Variants in LIG1 observed in about 807,000 individuals in gnomAD.
LIG1 encodes the protein DNA ligase 1, also known as ligase I, DNA, ATP-dependent.
LIG1 carries 70 observed loss-of-function variants against 115.7 expected under a neutral mutation model. The ratio of observed to expected loss-of-function variants is 0.60; its 90% CI spans 0.50 to 0.74. LIG1 has a LOEUF of 0.74. Ranked by LOEUF, LIG1 falls within the 30% of genes least tolerant of loss-of-function variation. The probability of loss-of-function intolerance (pLI) is 0.00; values close to 1 mark genes in which losing one functional copy is unlikely to be tolerated. For synonymous variants in LIG1, 487 were observed against 495.3 expected (o/e 0.98, Z 0.22); for missense variants, 1,115 against 1,225.6 (o/e 0.91, Z 1.35).
At chr19:48,116,128 G>A (rs986857066) in intron 26 of LIG1, 163 bp from the exon 27 acceptor site, 11 of 657,222 alleles carry the variant, frequency 1.7e-5, no homozygotes, top group South Asian at 3.3e-5. Flanking sequence ...AACAGTACCC[G>A]GGCACAGTAA....
chr19:48,116,370 C>T (rs1265508231), intron 26 of LIG1, among the ~76,000 whole-genome samples: 4 of 139,986 alleles, frequency 2.9e-5, no homozygotes, highest in South Asian at 2.3e-4. Flanking sequence ...GGCGTGAATC[C>T]GGGAGGTGGG....
chr19:48,126,591 G>A (rs1291284925), intron 21 of LIG1, among the ~76,000 whole-genome samples: 1 of 146,600 alleles, frequency 6.8e-6, no homozygotes, highest in Non-Finnish European at 1.5e-5. Flanking sequence ...GGGTGACTGA[G>A]CAAGACTCTT....
At chr19:48,132,790 C>CA (rs71181649) in intron 18 of LIG1, among the ~76,000 whole-genome samples, 192 bp downstream of exon 18, 5,042 of 48,140 alleles carry the variant, frequency 0.1, 917 homozygotes, top group African/African-American at 0.21. Context: ...GACTCTGTCT[C>CA]AAAAAAAAAA....
chr19:48,162,925 T>C (rs1256262457), intron 2 of LIG1, among the ~76,000 whole-genome samples: 1 of 151,026 alleles, frequency 6.6e-6, no homozygotes, highest in Non-Finnish European at 1.5e-5. Flanking sequence ...TTTTAAATCT[T>C]TTTTTTTTAG....
intron 4 of LIG1, 182 bp downstream of exon 4, chr19:48,161,183 CCCACCCG>C (rs2036154564): frequency 8.1e-6 from 6 of 736,780 alleles, no homozygotes; most frequent in Non-Finnish European, 1.2e-5. Context: ...GGTGAAGGAG[CCCACCCG>C]AGGTCCTAGG....
chr19:48,124,858 T>C (rs1244424189), intron 21 of LIG1, among the ~76,000 whole-genome samples: 1 of 151,936 alleles, frequency 6.6e-6, no homozygotes, highest in Non-Finnish European at 1.5e-5. Context: ...CTACTAAAAA[T>C]GCACAAATTA....
Position 48,137,637 on chromosome 19 carries a change from C to G in LIG1, c.1139G>C (p.Gly380Ala). The G allele has an allele frequency of 6.2e-7, 1 of 1,610,440 alleles. No homozygotes were observed. The highest frequency in any genetic ancestry group is 8.5e-7 in the Non-Finnish European group (1 of 1,179,714). The change falls in exon 13 of 28, where the codon GGG becomes GCG. Residue 380 changes from glycine to alanine, a missense_variant. By Grantham distance (60) the Gly-to-Ala change is moderately conservative. Transcript: ENST00000263274. This position sits in a 1 kb window ranked among gnomAD's most constrained non-coding sequence, Gnocchi z 4.3. The stretch of plus-strand genomic sequence containing the variant: ...GCTGCGGCTGTTCTCGGCCACCAGC[C>G]CCACGTCGCCTTTCTCGGCTGCCTC... Reference protein sequence around the residue: ...RAEAAEKGDVGLVAENSRSTQ... With the variant: ...RAEAAEKGDVALVAENSRSTQ...
intron 15 of LIG1, 116 bp from the exon 16 acceptor site, chr19:48,135,895 C>A: frequency 1.1e-6 from 1 of 889,866 alleles, no homozygotes; most frequent in Non-Finnish European, 1.8e-6. Context: ...CAAGACGCCC[C>A]CTCCCCCCCA....
In LIG1 at chr19:48,121,056, T is replaced by A. The variant is rs141396890; in HGVS notation, c.2385+114A>T. The A allele has an allele frequency of 4.5e-4, 706 of 1,577,352 alleles. 2 individuals carry two copies. In the Middle Eastern group the frequency reaches 0.01, roughly 23 times the overall value. ...GTAAATAAAAACTGGGGAGAACGGA[T>A]CCTTCACAGGGGGATGTGAGCACCC... On this transcript the variant is annotated intron_variant, in intron 24 of 27. Transcript: ENST00000263274.
Position 48,150,159 on chromosome 19 carries a change from T to C in LIG1, c.626A>G (p.Gln209Arg). ...CTGCTCTTCCTCCTCCTGCAGTTCC[T>C]GCTTCGTGGCCACCTCAGGCTCTGA... ...SVSEPEVATK[Q>R]ELQEEEEQTK... Residue 209 changes from glutamine (Q) to arginine (R), a missense_variant, in exon 8 of 28, where the codon CAG (glutamine) becomes CGG (arginine). Coordinates refer to ENST00000263274, the MANE Select transcript of LIG1 (RefSeq NM_000234.3). 5 of 1,614,216 alleles carry C rather than the reference T, an allele frequency of 3.1e-6. No homozygotes were observed. Among genetic ancestry groups the C allele is most frequent in the Non-Finnish European group, 3.4e-6 (4 of 1,180,028 alleles).
chr19:48,120,282 T>C (rs1265042289), intron 24 of LIG1: 1 of 985,276 alleles, frequency 1.0e-6, no homozygotes, highest in Non-Finnish European at 1.2e-6. Flanking sequence ...GGCATTCAGG[T>C]CCTGTTGCCA....
chr19:48,157,757 G>A (rs1018633261), intron 4 of LIG1, among the ~76,000 whole-genome samples: 1 of 152,138 alleles, frequency 6.6e-6, no homozygotes, highest in African/African-American at 2.4e-5. Flanking sequence ...ACGTTGGCCA[G>A]GCTGGTCTCG....
intron 27 of LIG1, 68 bp downstream of exon 27, chr19:48,115,805 G>T: frequency 1.9e-6 from 3 of 1,577,698 alleles, no homozygotes; most frequent in Non-Finnish European, 1.7e-6. Flanking sequence ...TTCCAGAGAG[G>T]CCACCACGCT....
At chr19:48,119,981 C>T (rs186536928) in intron 24 of LIG1, among the ~76,000 whole-genome samples, 6 of 152,334 alleles carry the variant, frequency 3.9e-5, no homozygotes, top group Non-Finnish European at 7.3e-5. Flanking sequence ...CCTGGAAAGC[C>T]CCTTTTGCAT....
chr19:48,131,040 A>T, intron 19 of LIG1, 36 bp downstream of exon 19: 1 of 1,557,362 alleles, frequency 6.4e-7, no homozygotes, highest in Non-Finnish European at 8.9e-7. Flanking sequence ...CTGACCACAG[A>T]CCCTGGCAGA....
chr19:48,136,116 G>A lies in LIG1; in HGVS notation c.1341C>T (p.Ser447=), dbSNP rs369893004. 117 of 1,567,060 alleles carry A rather than the reference G, an allele frequency of 7.5e-5. No homozygotes were observed. The highest frequency in any genetic ancestry group is 6.6e-4 in the South Asian group (56 of 85,158). Residue 447 remains serine, a synonymous_variant, in exon 15 of 28, where the codon AGC becomes AGT. Coordinates refer to ENST00000263274, the MANE Select transcript of LIG1 (RefSeq NM_000234.3). The part of the protein sequence containing the change: ...SEARFIARSL[S]GRLRLGLAEQ... ...CTGCCAGCCCAAGGCGCAGCCGTCC[G>A]CTCAGGGACCTGGGGAGAGAGCAGG...
intron 8 of LIG1, 49 bp from the exon 9 acceptor site, chr19:48,149,890 C>A (rs1409344336): frequency 6.3e-7 from 1 of 1,579,660 alleles, no homozygotes; most frequent in Admixed American, 1.7e-5. Flanking sequence ...TCCGGTAGCC[C>A]CCACCTCCCA....
At chr19:48,165,087 C>T (rs1263876951) in intron 2 of LIG1, among the ~76,000 whole-genome samples, 2 of 152,144 alleles carry the variant, frequency 1.3e-5, no homozygotes, top group African/African-American at 2.4e-5. Context: ...GGTGAAACCC[C>T]GTCTCTACTA....
At chr19:48,167,170 T>C (rs891406423) in intron 1 of LIG1, among the ~76,000 whole-genome samples, 2 of 150,686 alleles carry the variant, frequency 1.3e-5, no homozygotes, top group Admixed American at 1.3e-4. Context: ...TAAAAAATTA[T>C]AAATTTTCTA....
Sources: allele counts gnomAD v4.1 joint callset (sites outside exome capture counted in the v4.1 genomes callset), GRCh38; gene constraint gnomAD v4.1.1; non-coding constraint Gnocchi (gnomAD v3.1); transcripts MANE v1.5; gene names NCBI Gene and HGNC (gene_info 2026-07-23, HGNC 2026-07-21).